CCDC171: variants seen among roughly 807,000 people sequenced by gnomAD.
CCDC171 encodes the protein coiled-coil domain-containing protein 171.
Under a neutral mutation model 168.2 loss-of-function variants are expected in CCDC171, and 177 were observed. The observed-to-expected ratio is 1.05, with a 90% CI of 0.93 to 1.19. CCDC171 has a LOEUF of 1.19. Among genes scored for constraint, CCDC171 ranks in the 50% most tolerant of loss-of-function variants. The pLI, the probability that CCDC171 is intolerant of heterozygous loss-of-function variation, is 0.00. For synonymous variants in CCDC171, 687 were observed against 540.8 expected (o/e 1.27, Z -3.75); for missense variants, 1,991 against 1,539.0 (o/e 1.29, Z -4.91).
intron 8 of CCDC171, among the ~76,000 whole-genome samples, chr9:15,665,379 T>C (rs1371190001): frequency 6.6e-6 from 1 of 152,250 alleles, no homozygotes; most frequent in East Asian, 1.9e-4. Context: ...ATCACTTTTC[T>C]ATAGTAAGAA....
chr9:15,779,917 A>G lies in CCDC171; in HGVS notation c.3081+767A>G, dbSNP rs535716089. ...GTTTGCAGTTGGGATAGTTATTAAC[A>G]TTGCTGTTTTTAATGTGGATATGGG... On this transcript the variant is annotated intron_variant, in intron 20 of 25. Transcript: ENST00000380701. Among the ~76,000 whole-genome samples, 12 of 152,340 alleles carry G rather than the reference A, an allele frequency of 7.9e-5. No individual in the cohort carries two copies. The South Asian group carries it at 2.3e-3, about 29-fold the overall frequency.
chr9:16,077,699 G>A, the CCDC171 span, among the ~76,000 whole-genome samples: 1 of 152,086 alleles, frequency 6.6e-6, no homozygotes, highest in Non-Finnish European at 1.5e-5. Flanking sequence ...AGATGTAAGA[G>A]GGGAAAAAAA....
In CCDC171 at chr9:15,920,362, T is replaced by C. The variant is rs1353619565; in HGVS notation, c.3693T>C (p.Ile1231=). The change falls in exon 25 of 26, where the codon ATT becomes ATC. Residue 1231 remains isoleucine, a synonymous_variant. Transcript: ENST00000380701. ...EKEMTSHRSH[I]AALKSELHTA... Reference sequence around the variant, plus strand: ...AAATGACATCTCATCGAAGTCACATTGCAGCCTTGAAATCAGAACTTCACA... The same window carrying C: ...AAATGACATCTCATCGAAGTCACATCGCAGCCTTGAAATCAGAACTTCACA... 1.2e-6 allele frequency: 2 copies of C among 1,610,360 alleles called. No individual in the cohort carries two copies. The highest frequency in any genetic ancestry group is 2.7e-5 in the African/African-American group (2 of 74,904).
chr9:15,953,298 A>T (rs925112431), intron 25 of CCDC171, among the ~76,000 whole-genome samples: 5 of 152,310 alleles, frequency 3.3e-5, no homozygotes, highest in South Asian at 4.1e-4. Flanking sequence ...ATTGAGTAAG[A>T]TATATGCTCC....
chr9:16,043,933 G>A (rs1445642498), intron 1 of CCDC171, among the ~76,000 whole-genome samples: 1 of 152,320 alleles, frequency 6.6e-6, no homozygotes, highest in African/African-American at 2.4e-5. Flanking sequence ...GGTCTGGAAT[G>A]CATGGTTAGC....
At chr9:15,822,979 T>G (rs939531902) in intron 21 of CCDC171, among the ~76,000 whole-genome samples, 1 of 152,156 alleles carries the variant, frequency 6.6e-6, no homozygotes, top group African/African-American at 2.4e-5. Context: ...TTGTGGCACA[T>G]ATACACAATG....
chr9:15,969,522 A>G (rs1052845002), intron 25 of CCDC171, among the ~76,000 whole-genome samples: 3 of 152,176 alleles, frequency 2.0e-5, no homozygotes, highest in South Asian at 4.1e-4. Context: ...ATACCCCCAG[A>G]GGATATCTGA....
At chr9:15,974,428 A>G (rs1474462679), downstream of CCDC171, among the ~76,000 whole-genome samples, 1 of 152,218 alleles carries the variant, frequency 6.6e-6, no homozygotes, top group Non-Finnish European at 1.5e-5. Context: ...TGATGTATAG[A>G]GTAGACATAT....
At chr9:16,073,599 A>G in the CCDC171 span, among the ~76,000 whole-genome samples, 1 of 152,152 alleles carries the variant, frequency 6.6e-6, no homozygotes, top group African/African-American at 2.4e-5. Context: ...AACCATTTAT[A>G]TTTATATTTA....
intron 12 of CCDC171, 43 bp from the exon 13 acceptor site, chr9:15,723,638 T>C (rs761709204): frequency 6.9e-7 from 1 of 1,456,900 alleles, no homozygotes; most frequent in East Asian, 2.3e-5. Flanking sequence ...AAAAAGTTAC[T>C]TATATTTTCT....
chr9:15,811,276 G>T (rs898128261), intron 21 of CCDC171, among the ~76,000 whole-genome samples: 3 of 152,206 alleles, frequency 2.0e-5, no homozygotes, highest in Non-Finnish European at 4.4e-5. Flanking sequence ...CCTTATGTCA[G>T]TGAAGGAAAA....
intron 1 of CCDC171, among the ~76,000 whole-genome samples, chr9:16,059,885 A>G (rs1833905776): frequency 6.6e-6 from 1 of 151,740 alleles, no homozygotes; most frequent in South Asian, 2.1e-4. Context: ...ACCCAAGCTC[A>G]CCCAAACTGG....
At chr9:15,977,712 T>C (rs538122421), downstream of CCDC171, among the ~76,000 whole-genome samples, 2 of 152,284 alleles carry the variant, frequency 1.3e-5, no homozygotes, top group South Asian at 2.1e-4. Context: ...TGTGCGGCTA[T>C]AGGAAACTAC....
At chr9:16,099,049 T>G in the CCDC171 span, among the ~76,000 whole-genome samples, 1 of 152,234 alleles carries the variant, frequency 6.6e-6, no homozygotes, top group African/African-American at 2.4e-5. Flanking sequence ...TTCTTAAAAC[T>G]GAAAAACTGG....
At chr9:15,593,133 G>T (rs910726601) in intron 5 of CCDC171, among the ~76,000 whole-genome samples, 13 of 151,676 alleles carry the variant, frequency 8.6e-5, no homozygotes, top group African/African-American at 3.1e-4. Context: ...AGCCCTTGGG[G>T]GAAAAAAAAG....
At chr9:15,991,018 G>A (rs527530639) in intron 3 of CCDC171, among the ~76,000 whole-genome samples, 15 of 152,068 alleles carry the variant, frequency 9.9e-5, no homozygotes, top group Admixed American at 2.0e-4. Context: ...ACAGATCAAC[G>A]AGACAGAAAG....
chr9:15,635,873 T>G (rs1346465549), intron 7 of CCDC171, among the ~76,000 whole-genome samples: 1 of 152,186 alleles, frequency 6.6e-6, no homozygotes, highest in African/African-American at 2.4e-5. Context: ...TCAGTTTGTT[T>G]TGTACAGTGG....
intron 25 of CCDC171, among the ~76,000 whole-genome samples, chr9:15,939,942 A>G (rs2132274595): frequency 6.6e-6 from 1 of 152,016 alleles, no homozygotes; most frequent in East Asian, 1.9e-4. Flanking sequence ...TAACTTCTAC[A>G]CTTTGTAAAA....
downstream of CCDC171, among the ~76,000 whole-genome samples, chr9:15,976,149 C>T (rs952736706): frequency 2.0e-5 from 3 of 152,136 alleles, no homozygotes; most frequent in Non-Finnish European, 4.4e-5. Context: ...TACATTTGTG[C>T]TGCTTTAAGC....
Sources: gnomAD v4.1 joint callset for allele counts (sites outside exome capture counted in the v4.1 genomes callset) on GRCh38, gnomAD v4.1.1 for gene constraint, MANE v1.5 for transcripts, NCBI Gene and HGNC (gene_info 2026-07-23, HGNC 2026-07-21) for gene names.